Variants in GTPBP4 observed in about 807,000 individuals in gnomAD.
GTPBP4 encodes the protein GTP-binding protein 4.
A neutral mutation model predicts 81.7 loss-of-function variants in GTPBP4; 15 were observed. That is an observed-to-expected ratio of 0.18 (90% CI 0.12 to 0.28). The LOEUF is 0.28. Ranked by LOEUF, GTPBP4 falls within the 10% of genes least tolerant of loss-of-function variation. The pLI, the probability that GTPBP4 is intolerant of heterozygous loss-of-function variation, is 1.00. For missense variants in GTPBP4, 847 were observed against 793.8 expected, an observed-to-expected ratio of 1.07 and a Z score of -0.81; for synonymous variants, 272 against 274.6, an observed-to-expected ratio of 0.99 and a Z score of 0.09.
At chr10:1,014,915 C>T (rs1831948221) in intron 15 of GTPBP4, among the ~76,000 whole-genome samples, 1 of 151,880 alleles carries the variant, frequency 6.6e-6, no homozygotes, top group Admixed American at 6.6e-5. Flanking sequence ...CGAGACAGCA[C>T]CATGACGTGC....
At position 1,019,521 on chromosome 10, in the gene GTPBP4, ACT is replaced by A. The variant is rs763691592; in HGVS notation, c.*2297_*2298del. 8 of 1,610,698 alleles carry A rather than the reference ACT, an allele frequency of 5.0e-6. No homozygotes were observed. The Admixed American group carries it at 6.7e-5, about 13-fold the overall frequency. ...CTGACTCGACCTCCCTGCCTCTCAC[ACT>A]CTGTGTATTTTGTGAAGCTCCACAA... On this transcript the variant is annotated 3_prime_UTR_variant, in exon 17 of 17. Coordinates refer to ENST00000360803, the MANE Select transcript of GTPBP4 (RefSeq NM_012341.3).
intron 13 of GTPBP4, among the ~76,000 whole-genome samples, chr10:1,011,174 G>C (rs1831862069): frequency 6.6e-6 from 1 of 150,400 alleles, no homozygotes; most frequent in South Asian, 2.1e-4. Flanking sequence ...TCCTGACTGT[G>C]CCCCCTGCAC....
intron 4 of GTPBP4, chr10:996,450 A>G (rs1831539425): frequency 2.9e-5 from 11 of 380,342 alleles, no homozygotes; most frequent in Non-Finnish European, 4.6e-5. Context: ...GAAAATTTAT[A>G]TATTTCATAT....
chr10:994,914 A>G (rs1422457904), intron 2 of GTPBP4, among the ~76,000 whole-genome samples: 1 of 152,178 alleles, frequency 6.6e-6, no homozygotes, highest in East Asian at 1.9e-4. Context: ...GAGAAAAGAT[A>G]GTAAATAGCA....
At chr10:992,751 A>G in intron 2 of GTPBP4, 92 bp downstream of exon 2, 1 of 699,762 alleles carries the variant, frequency 1.4e-6, no homozygotes, top group Non-Finnish European at 2.4e-6. Context: ...TTGACAGAAA[A>G]GGAAACAAAA....
At chr10:991,758 C>T (rs1265997957) in intron 1 of GTPBP4, among the ~76,000 whole-genome samples, 3 of 137,306 alleles carry the variant, frequency 2.2e-5, no homozygotes, top group African/African-American at 5.5e-5. Flanking sequence ...TGCAGTGGCG[C>T]GATCTCGGCT....
At chr10:1,016,982 C>T in intron 16 of GTPBP4, 93 bp from the exon 17 acceptor site, 1 of 985,554 alleles carries the variant, frequency 1.0e-6, no homozygotes, top group Non-Finnish European at 1.5e-6. Context: ...CAGACCTGAG[C>T]CATTAAACAG....
chr10:1,011,496 T>TGC (rs1441141571), intron 13 of GTPBP4, among the ~76,000 whole-genome samples: 5 of 41,466 alleles, frequency 1.2e-4, no homozygotes, highest in African/African-American at 3.9e-4. Flanking sequence ...GGAACATGCT[T>TGC]TTTATACAAT....
intron 5 of GTPBP4, 50 bp from the exon 6 acceptor site, chr10:998,953 C>A: frequency 1.0e-6 from 1 of 974,056 alleles, no homozygotes; most frequent in South Asian, 1.3e-5. Context: ...ACAGATCCCA[C>A]GTGTACACAG....
At chr10:995,839 G>A in intron 2 of GTPBP4, 90 bp from the exon 3 acceptor site, 1 of 738,862 alleles carries the variant, frequency 1.4e-6, no homozygotes, top group Non-Finnish European at 2.4e-6. Context: ...CTGCAGGCGT[G>A]GAGGGAGAGG....
intron 10 of GTPBP4, chr10:1,008,191 T>C: frequency 2.2e-6 from 1 of 452,312 alleles, no homozygotes. Context: ...GGCGGGTGGA[T>C]CACCTGAGGT....
At chr10:1,006,159 C>T (rs753478963) in intron 9 of GTPBP4, among the ~76,000 whole-genome samples, 3 of 152,216 alleles carry the variant, frequency 2.0e-5, no homozygotes, top group African/African-American at 4.8e-5. Flanking sequence ...CCTAAAGCAG[C>T]TGTTGTCTCT....
intron 13 of GTPBP4, 79 bp downstream of exon 13, chr10:1,010,599 G>T (rs977453147): frequency 2.1e-5 from 17 of 820,332 alleles, no homozygotes; most frequent in Non-Finnish European, 3.3e-5. Context: ...GCATGGCTTC[G>T]GCTCAGCTGG....
Position 1,000,788 on chromosome 10 carries a change from G to C in GTPBP4, c.766G>C (p.Asp256His). The change falls in exon 7 of 17, where the codon GAT (aspartate) becomes CAT (histidine). Residue 256 changes from aspartate (D) to histidine (H), a missense_variant. By Grantham distance (81) the Asp-to-His change is moderately conservative. Around this residue, in one of 3 missense-constraint regions of GTPBP4, gnomAD observed 600 missense variants for 557.1 expected, o/e 1.08. Transcript: ENST00000360803. ...CCGTGCTGCGGTCCTGTATGTGATGGATTTGTCTGAGCAGTGTGGGCATGG... is the reference window on the plus strand; with the variant it reads ...CCGTGCTGCGGTCCTGTATGTGATGCATTTGTCTGAGCAGTGTGGGCATGG... The part of the protein sequence containing the change: ...HLRAAVLYVM[D>H]LSEQCGHGLR... 6.2e-7 allele frequency: 1 copy of C among 1,611,396 alleles called. No individual in the cohort carries two copies. The highest frequency in any genetic ancestry group is 8.5e-7 in the Non-Finnish European group (1 of 1,178,574).
At chr10:1,014,964 G>C (rs1030230551) in intron 15 of GTPBP4, among the ~76,000 whole-genome samples, 4 of 152,114 alleles carry the variant, frequency 2.6e-5, no homozygotes, top group Non-Finnish European at 5.9e-5. Flanking sequence ...TAGATGTGCA[G>C]TCTGCAGTTT....
intron 8 of GTPBP4, 152 bp downstream of exon 8, chr10:1,001,165 A>T: frequency 1.6e-6 from 1 of 624,488 alleles, no homozygotes; most frequent in South Asian, 2.0e-5. Flanking sequence ...TAGTGAAAAG[A>T]CATAATAAAA....
intron 5 of GTPBP4, 81 bp downstream of exon 5, chr10:997,389 G>C (rs1358921660): frequency 3.6e-6 from 3 of 834,326 alleles, no homozygotes; most frequent in Admixed American, 3.4e-5. Context: ...GTGGGATTCA[G>C]GATGGCCTTG....
At chr10:1,001,925 A>ATT (rs1258782640) in intron 8 of GTPBP4, among the ~76,000 whole-genome samples, 18 of 125,496 alleles carry the variant, frequency 1.4e-4, no homozygotes, top group African/African-American at 4.8e-4. Context: ...TTTTTATTTT[A>ATT]TTTTTGTTTT....
intron 6 of GTPBP4, among the ~76,000 whole-genome samples, 179 bp downstream of exon 6, chr10:999,274 A>T (rs945948568): frequency 6.6e-6 from 1 of 152,054 alleles, no homozygotes; most frequent in Non-Finnish European, 1.5e-5. Flanking sequence ...GCACACCACC[A>T]CGACCGGCCA....
Sources: gnomAD v4.1 joint callset for allele counts (sites outside exome capture counted in the v4.1 genomes callset) on GRCh38, gnomAD v4.1.1 for gene constraint, gnomAD v4.1.1 regional missense constraint, MANE v1.5 for transcripts, NCBI Gene and HGNC (gene_info 2026-07-23, HGNC 2026-07-21) for gene names.